Variants in RARB observed in about 807,000 individuals in gnomAD.
RARB encodes the protein retinoic acid receptor beta, also known as HBV-activated protein.
RARB carries 17 observed loss-of-function variants against 51.9 expected under a neutral mutation model. The observed-to-expected ratio is 0.33, with a 90% CI of 0.22 to 0.49. The LOEUF is 0.49. Ranked by LOEUF, RARB falls within the 20% of genes least tolerant of loss-of-function variation. The probability of loss-of-function intolerance (pLI) is 0.99; values close to 1 mark genes in which losing one functional copy is unlikely to be tolerated. For missense variants in RARB, 369 were observed against 550.8 expected (o/e 0.67, Z 3.30); for synonymous variants, 215 against 195.4 (o/e 1.10, Z -0.84).
chr3:25,187,175 G>A (rs1315519583), intron 5 of RARB, among the ~76,000 whole-genome samples: 1 of 152,074 alleles, frequency 6.6e-6, no homozygotes, highest in Non-Finnish European at 1.5e-5. Flanking sequence ...AGAGGAAGAA[G>A]ACAATGGCCT....
intron 2 of RARB, among the ~76,000 whole-genome samples, chr3:25,472,266 T>A (rs1292743944): frequency 1.3e-5 from 2 of 152,188 alleles, no homozygotes; most frequent in Non-Finnish European, 2.9e-5. Context: ...CCTCTTAGGT[T>A]CTTAGCATCA....
chr3:25,355,249 T>G (rs1333482091), intron 5 of RARB, among the ~76,000 whole-genome samples: 1 of 152,118 alleles, frequency 6.6e-6, no homozygotes, highest in Non-Finnish European at 1.5e-5. Context: ...ATGAGAAGCC[T>G]GATTGCCACC....
At chr3:25,506,558 A>T (rs943696180) in intron 3 of RARB, among the ~76,000 whole-genome samples, 2 of 152,042 alleles carry the variant, frequency 1.3e-5, no homozygotes, top group African/African-American at 4.8e-5. Flanking sequence ...TGAGGCTGCA[A>T]TGAGCCATTT....
chr3:25,371,818 T>C (rs1455717360), intron 5 of RARB, among the ~76,000 whole-genome samples: 1 of 152,186 alleles, frequency 6.6e-6, no homozygotes, highest in African/African-American at 2.4e-5. Context: ...ATATAAATAA[T>C]AGGTAAACCA....
chr3:25,230,190 A>G (rs1702144049), intron 5 of RARB, among the ~76,000 whole-genome samples: 1 of 152,006 alleles, frequency 6.6e-6, no homozygotes, highest in Admixed American at 6.6e-5. Flanking sequence ...CTATTTGGAG[A>G]GGAATGATTT....
At chr3:25,081,154 T>G (rs1276113002) in intron 3 of RARB, among the ~76,000 whole-genome samples, 6 of 152,146 alleles carry the variant, frequency 3.9e-5, no homozygotes, top group African/African-American at 1.4e-4. Flanking sequence ...TGAGTTCTAT[T>G]ATAATTTAAT....
intron 2 of RARB, among the ~76,000 whole-genome samples, chr3:24,877,317 C>G (rs1428903890): frequency 2.0e-5 from 2 of 101,788 alleles, no homozygotes; most frequent in African/African-American, 3.7e-5. Context: ...TCATAATTTA[C>G]ATGATAGTAA....
intron 4 of RARB, among the ~76,000 whole-genome samples, chr3:25,149,201 A>G (rs1007233935): frequency 6.6e-6 from 1 of 152,180 alleles, no homozygotes; most frequent in Non-Finnish European, 1.5e-5. Flanking sequence ...TACAGAAAAA[A>G]TATATAGTGG....
intron 3 of RARB, among the ~76,000 whole-genome samples, chr3:25,553,032 C>G (rs987692941): frequency 6.6e-6 from 1 of 151,994 alleles, no homozygotes; most frequent in Non-Finnish European, 1.5e-5. Flanking sequence ...AGATATCCTA[C>G]GAAGGAAGAC....
At chr3:24,836,594 T>G (rs1179633351) in intron 1 of RARB, among the ~76,000 whole-genome samples, 2 of 152,174 alleles carry the variant, frequency 1.3e-5, no homozygotes, top group Non-Finnish European at 2.9e-5. Flanking sequence ...CCCAAGACCT[T>G]ACAGTGTCCT....
chr3:25,226,609 G>T (rs1437029159), intron 5 of RARB, among the ~76,000 whole-genome samples: 1 of 152,120 alleles, frequency 6.6e-6, no homozygotes, highest in Non-Finnish European at 1.5e-5. Flanking sequence ...TCTGCTGAGG[G>T]ACATGAATTT....
At chr3:25,219,076 C>T (rs1701891480) in intron 5 of RARB, among the ~76,000 whole-genome samples, 2 of 152,182 alleles carry the variant, frequency 1.3e-5, no homozygotes, top group African/African-American at 2.4e-5. Context: ...ATTTATTTAG[C>T]ATCTACTATG....
intron 3 of RARB, among the ~76,000 whole-genome samples, chr3:25,095,016 T>C (rs1049041490): frequency 2.0e-5 from 3 of 152,190 alleles, no homozygotes; most frequent in Non-Finnish European, 4.4e-5. Context: ...ACAGGAATTC[T>C]CTCAAGGTCA....
chr3:25,130,325 C>T (rs1314505631), intron 3 of RARB, among the ~76,000 whole-genome samples: 1 of 152,046 alleles, frequency 6.6e-6, no homozygotes, highest in East Asian at 1.9e-4. Flanking sequence ...GTCACCTAAA[C>T]ATACAGCGTT....
intron 5 of RARB, among the ~76,000 whole-genome samples, chr3:25,401,744 G>A (rs1707269080): frequency 6.6e-6 from 1 of 152,136 alleles, no homozygotes; most frequent in Non-Finnish European, 1.5e-5. Flanking sequence ...GATGGAAAAT[G>A]CAGAAAACAG....
At chr3:24,902,411 T>TCC (rs370729147) in intron 2 of RARB, among the ~76,000 whole-genome samples, 1 of 152,092 alleles carries the variant, frequency 6.6e-6, no homozygotes, top group African/African-American at 2.4e-5. Context: ...GGTTTTTTTT[T>TCC]CCCACTTTTT....
chr3:24,891,808 A>G (rs57461799), intron 2 of RARB, among the ~76,000 whole-genome samples: 50,699 of 151,910 alleles, frequency 0.33, 10,728 homozygotes, highest in Non-Finnish European at 0.45. Context: ...TGCAGTATGA[A>G]GCTTCTACCT....
chr3:25,083,452 T>C (rs1575152696), intron 3 of RARB, among the ~76,000 whole-genome samples: 1 of 140,284 alleles, frequency 7.1e-6, no homozygotes, highest in Middle Eastern at 3.6e-3. Flanking sequence ...TTTTTTTTTT[T>C]CCAGACAGTA....
At chr3:25,024,953 CAAAAAAA>C (rs200229458) in intron 2 of RARB, 103 of 79,032 alleles carry the variant, frequency 1.3e-3, no homozygotes, top group African/African-American at 3.3e-3. Context: ...GACTCCGTCT[CAAAAAAA>C]AAAAAAAAAA....
Sources: gnomAD v4.1 joint callset for allele counts (sites outside exome capture counted in the v4.1 genomes callset) on GRCh38, gnomAD v4.1.1 for gene constraint, MANE v1.5 for transcripts, NCBI Gene and HGNC (gene_info 2026-07-23, HGNC 2026-07-21) for gene names.